Variants in SLC41A3 observed in about 807,000 individuals in gnomAD.
The protein encoded by SLC41A3 is solute carrier family 41 member 3.
In SLC41A3, 44 loss-of-function variants were observed where a neutral mutation model predicts 45.4. That is an observed-to-expected ratio of 0.97 (90% CI 0.76 to 1.25). SLC41A3 has a LOEUF of 1.25. SLC41A3 is among the 50% of genes most tolerant of loss of function. SLC41A3 has a pLI of 0.00. For missense variants in SLC41A3, 550 were observed against 600.6 expected (o/e 0.92, Z 0.88); for synonymous variants, 256 against 252.4 (o/e 1.01, Z -0.13).
chr3:126,008,338 G>A (rs1939327585), intron 10 of SLC41A3, among the ~76,000 whole-genome samples: 1 of 152,208 alleles, frequency 6.6e-6, no homozygotes, highest in Admixed American at 6.5e-5. Flanking sequence ...GACATGCAGT[G>A]TGTAGTGTGT....
intron 2 of SLC41A3, among the ~76,000 whole-genome samples, chr3:126,051,549 C>T (rs1216713445): frequency 3.9e-5 from 6 of 152,112 alleles, no homozygotes; most frequent in Admixed American, 3.9e-4. Flanking sequence ...CTGTGGGGCT[C>T]AGGGTTTTTA....
At chr3:126,037,834 T>C (rs1378262293) in intron 3 of SLC41A3, among the ~76,000 whole-genome samples, 1 of 152,198 alleles carries the variant, frequency 6.6e-6, no homozygotes, top group Admixed American at 6.5e-5. Context: ...AAAAAAGCCT[T>C]GAAGGCATTT....
At chr3:126,057,898 T>C (rs1943774829) in intron 2 of SLC41A3, 1 of 152,214 alleles carries the variant, frequency 6.6e-6, no homozygotes, top group Non-Finnish European at 1.5e-5. Flanking sequence ...TCTGACCCCC[T>C]CTTCCCTCTG....
intron 7 of SLC41A3, 33 bp downstream of exon 7, chr3:126,016,698 G>A (rs755157023): frequency 1.0e-5 from 16 of 1,588,876 alleles, no homozygotes; most frequent in South Asian, 2.3e-5. Context: ...GCTGAGAGGA[G>A]GAAGAGGGGC....
At chr3:126,014,874 A>T (rs1413063547) in intron 8 of SLC41A3, among the ~76,000 whole-genome samples, 1 of 152,182 alleles carries the variant, frequency 6.6e-6, no homozygotes, top group African/African-American at 2.4e-5. Flanking sequence ...GGTCATCCAC[A>T]CAAACCCCAC....
At chr3:126,029,371 C>CA (rs563795643) in intron 4 of SLC41A3, among the ~76,000 whole-genome samples, 9 of 151,288 alleles carry the variant, frequency 5.9e-5, no homozygotes, top group South Asian at 2.1e-4. Flanking sequence ...GGCACTCCCT[C>CA]CCCCACCACT....
intron 6 of SLC41A3, among the ~76,000 whole-genome samples, chr3:126,021,394 T>A (rs1355748101): frequency 6.6e-6 from 1 of 152,128 alleles, no homozygotes; most frequent in East Asian, 1.9e-4. Context: ...CAGAGGAAGG[T>A]CATATACCAG....
intron 2 of SLC41A3, chr3:126,057,203 C>G: frequency 1.0e-6 from 1 of 979,692 alleles, no homozygotes; most frequent in Non-Finnish European, 1.2e-6. Flanking sequence ...CAAGTTGTGT[C>G]CAGCCAGGGG....
intron 9 of SLC41A3, among the ~76,000 whole-genome samples, chr3:126,009,352 G>A (rs1939458611): frequency 6.6e-6 from 1 of 152,154 alleles, no homozygotes; most frequent in Non-Finnish European, 1.5e-5. Flanking sequence ...GTGATCTGGG[G>A]AGGGCAGTCG....
chr3:126,090,028 CTTTTT>C (rs59737864), intron 1 of SLC41A3, among the ~76,000 whole-genome samples: 33,937 of 100,180 alleles, frequency 0.34, 3,859 homozygotes, highest in Middle Eastern at 0.39. Flanking sequence ...TCAAGAAAAT[CTTTTT>C]TTTTTTTTTT....
chr3:126,075,128 T>C (rs144779554), intron 1 of SLC41A3, among the ~76,000 whole-genome samples: 4,119 of 152,202 alleles, frequency 0.027, 164 homozygotes, highest in African/African-American at 0.09. Flanking sequence ...TTATTTTTTG[T>C]AGAAATGAGG....
At chr3:126,044,079 C>G (rs1157976769) in intron 3 of SLC41A3, among the ~76,000 whole-genome samples, 1 of 152,048 alleles carries the variant, frequency 6.6e-6, no homozygotes, top group Non-Finnish European at 1.5e-5. Context: ...TAAGGACACA[C>G]AAAGGTTTAT....
intron 1 of SLC41A3, among the ~76,000 whole-genome samples, chr3:126,083,471 A>T (rs896261223): frequency 1.3e-5 from 2 of 152,122 alleles, no homozygotes; most frequent in African/African-American, 4.8e-5. Flanking sequence ...GGATGGAGAG[A>T]GTGTGGGACT....
chr3:126,087,724 G>T (rs1945421214), upstream of SLC41A3, among the ~76,000 whole-genome samples: 1 of 151,756 alleles, frequency 6.6e-6, no homozygotes, highest in Non-Finnish European at 1.5e-5. Context: ...ATTTAGGACA[G>T]AACAGAAAAT....
At chr3:126,067,094 C>CGCGCGGGGGGGGGGG in intron 2 of SLC41A3, among the ~76,000 whole-genome samples, 1 of 126,296 alleles carries the variant, frequency 7.9e-6, no homozygotes, top group East Asian at 2.4e-4. Context: ...GGTTGGACCG[C>CGCGCGGGGGGGGGGG]CCCCCCGCCC....
rs34347953 is a variant in SLC41A3 at position 126,033,944 on chromosome 3, C to CA, written c.382-267_382-266insT. ...ATGACCATGCAAGCATATGACTGCA[C>CA]CACCTGCACACACACAGCGGTACAC... is the stretch of plus-strand genomic sequence containing the variant. On this transcript the variant is annotated intron_variant, in intron 3 of 10. Transcript: ENST00000360370. 1 allele frequency among the ~76,000 whole-genome samples: 152,225 copies of CA among 152,226 alleles called. 76,112 individuals carry two copies. The highest frequency in any genetic ancestry group is 1 in the Non-Finnish European group (68,028 of 68,028).
intron 2 of SLC41A3, among the ~76,000 whole-genome samples, chr3:126,059,623 C>T (rs147194600): frequency 2.0e-5 from 3 of 152,252 alleles, no homozygotes; most frequent in Non-Finnish European, 2.9e-5. Context: ...AAAGGCAGGC[C>T]GAGACCCTCA....
intron 5 of SLC41A3, chr3:126,025,090 G>A (rs2107720032): frequency 6.6e-6 from 1 of 152,338 alleles, no homozygotes; most frequent in African/African-American, 2.4e-5. Flanking sequence ...TAAGCTTATT[G>A]TCTGCCCCTG....
At chr3:126,099,573 A>T (rs1207050994) in intron 1 of SLC41A3, among the ~76,000 whole-genome samples, 4 of 152,110 alleles carry the variant, frequency 2.6e-5, no homozygotes, top group Non-Finnish European at 5.9e-5. Context: ...TTAGCCAGGC[A>T]CCTGTAGTCT....
Sources: gnomAD v4.1 joint callset for allele counts (sites outside exome capture counted in the v4.1 genomes callset) on GRCh38, gnomAD v4.1.1 for gene constraint, MANE v1.5 for transcripts, NCBI Gene and HGNC (gene_info 2026-07-23, HGNC 2026-07-21) for gene names.